PPP4R3B: variants seen among roughly 807,000 people sequenced by gnomAD.
PPP4R3B encodes protein phosphatase 4 regulatory subunit 3B.
Under a neutral mutation model 95.4 loss-of-function variants are expected in PPP4R3B, and 52 were observed. The ratio of observed to expected loss-of-function variants is 0.54; its 90% confidence interval spans 0.44 to 0.69. The LOEUF (loss-of-function observed/expected upper bound fraction) is 0.69. PPP4R3B is among the 30% of genes least tolerant of loss of function. The pLI, the probability that PPP4R3B is intolerant of heterozygous loss-of-function variation, is 0.00. For missense variants in PPP4R3B, 1,003 were observed against 1,005.9 expected (o/e 1.00, Z 0.04); for synonymous variants, 407 against 343.9 (o/e 1.18, Z -2.03).
intron 2 of PPP4R3B, among the ~76,000 whole-genome samples, chr2:55,606,029 TA>T (rs901741709): frequency 2.0e-5 from 3 of 149,000 alleles, no homozygotes; most frequent in Non-Finnish European, 3.0e-5. Context: ...CCTCCATATA[TA>T]AAAAAAAGAA....
chr2:55,570,048 G>C (rs758696267), intron 12 of PPP4R3B, among the ~76,000 whole-genome samples: 1 of 151,926 alleles, frequency 6.6e-6, no homozygotes, highest in Admixed American at 6.6e-5. Context: ...TCAGGAGATC[G>C]AGACAAGCCT....
At chr2:55,589,855 G>C (rs1690719723) in intron 4 of PPP4R3B, among the ~76,000 whole-genome samples, 1 of 147,910 alleles carries the variant, frequency 6.8e-6, no homozygotes, top group South Asian at 2.1e-4. Flanking sequence ...GGGGGAGCTT[G>C]CAGTGAGCCG....
chr2:55,555,291 A>AAG (rs1004101113), intron 16 of PPP4R3B, among the ~76,000 whole-genome samples: 4 of 150,976 alleles, frequency 2.6e-5, no homozygotes, highest in African/African-American at 9.7e-5. Flanking sequence ...AAAAAAAAAA[A>AAG]AAAAAAGAAA....
chr2:55,615,593 G>T (rs1694779714), intron 1 of PPP4R3B, 87 bp from the exon 2 acceptor site: 5 of 886,704 alleles, frequency 5.6e-6, no homozygotes, highest in Non-Finnish European at 8.7e-6. Context: ...CGGGCGCAGT[G>T]GCTCACGTCT....
chr2:55,574,932 CTTCTTT>C (rs1688457754), intron 11 of PPP4R3B, among the ~76,000 whole-genome samples: 1 of 130,684 alleles, frequency 7.7e-6, no homozygotes, highest in Admixed American at 9.0e-5. Context: ...TCATATACAA[CTTCTTT>C]TTTTTTTTTT....
At chr2:55,587,121 C>T (rs773805750) in intron 5 of PPP4R3B, among the ~76,000 whole-genome samples, 2 of 152,122 alleles carry the variant, frequency 1.3e-5, no homozygotes, top group Admixed American at 1.3e-4. Flanking sequence ...TATAGGTCAA[C>T]AGAGATATTT....
intron 12 of PPP4R3B, among the ~76,000 whole-genome samples, chr2:55,572,849 G>C (rs1428890180): frequency 1.3e-5 from 2 of 152,068 alleles, no homozygotes; most frequent in Non-Finnish European, 2.9e-5. Flanking sequence ...CTGTGGAAGA[G>C]CCATACTATA....
chr2:55,558,119 T>G (rs1415899163), intron 16 of PPP4R3B, among the ~76,000 whole-genome samples: 2 of 152,138 alleles, frequency 1.3e-5, no homozygotes, highest in African/African-American at 4.8e-5. Context: ...AAAGCTGCAA[T>G]TGGCCACGCA....
chr2:55,588,892 T>G lies in PPP4R3B; in HGVS notation c.986A>C (p.Lys329Thr). The G allele has an allele frequency of 6.2e-7, 1 of 1,608,178 alleles. No individual in the cohort carries two copies. The highest frequency in any genetic ancestry group is 8.5e-7 in the Non-Finnish European group (1 of 1,176,418). ...TTCATAACTTACCAATTCACGCCGT[T>G]TATCATCATCTGTAGCCTCATCTGT... ...QLTDEATDDD[K>T]RRELVNFFKE... The change falls in exon 5 of 17, where the codon AAA (lysine) becomes ACA (threonine). Residue 329 changes from lysine to threonine, a missense_variant. Lys to Thr is a moderately conservative substitution (Grantham distance 78, BLOSUM62 -1). Transcript: ENST00000616407.
Position 55,588,202 on chromosome 2 carries a change from TTA to T in PPP4R3B, c.999+675_999+676del, listed in dbSNP as rs1162710251. 5.3e-5 allele frequency among the ~76,000 whole-genome samples: 8 copies of T among 152,260 alleles called. 1 individual carries two copies. Among genetic ancestry groups the T allele is most frequent in the Non-Finnish European group, 8.8e-5 (6 of 68,010 alleles). On this transcript the variant is annotated intron_variant, in intron 5 of 16. Transcript: ENST00000616407. ...ATCATTTATTCAGGAAGCATTTTCC[TTA>T]TCTCTTGTTTAAAAAGAAAAGCATT...
chr2:55,561,680 G>T (rs1330416819), intron 15 of PPP4R3B, among the ~76,000 whole-genome samples: 1 of 152,252 alleles, frequency 6.6e-6, no homozygotes, highest in Non-Finnish European at 1.5e-5. Context: ...AAGATTTAAA[G>T]ACTGCCCTGC....
intron 3 of PPP4R3B, among the ~76,000 whole-genome samples, chr2:55,602,234 T>C (rs1692718766): frequency 6.6e-6 from 1 of 152,250 alleles, no homozygotes; most frequent in African/African-American, 2.4e-5. Flanking sequence ...GGTATATTCA[T>C]ACTGATATTA....
chr2:55,597,495 G>A (rs963720924), intron 4 of PPP4R3B, among the ~76,000 whole-genome samples: 33 of 152,144 alleles, frequency 2.2e-4, no homozygotes, highest in African/African-American at 6.3e-4. Context: ...GATGGCGGGC[G>A]CCTGTAGTCC....
At chr2:55,580,264 T>C (rs1689274559) in intron 8 of PPP4R3B, among the ~76,000 whole-genome samples, 1 of 152,082 alleles carries the variant, frequency 6.6e-6, no homozygotes, top group Non-Finnish European at 1.5e-5. Context: ...TCAACACAAA[T>C]AAATACTTGA....
intron 2 of PPP4R3B, among the ~76,000 whole-genome samples, chr2:55,612,547 C>T (rs1251278160): frequency 6.6e-6 from 1 of 152,126 alleles, no homozygotes; most frequent in Admixed American, 6.6e-5. Flanking sequence ...GTGAGACCGT[C>T]TCTACAAACA....
chr2:55,590,242 G>A (rs562554290), intron 4 of PPP4R3B, among the ~76,000 whole-genome samples: 13 of 151,604 alleles, frequency 8.6e-5, no homozygotes, highest in African/African-American at 1.7e-4. Context: ...CAGGAGAATC[G>A]CTTGAACCTG....
In PPP4R3B at chr2:55,598,570, T is replaced by A; in HGVS notation, c.767A>T (p.Asp256Val). The change falls in exon 4 of 17, where the codon GAC becomes GTC. Residue 256 changes from aspartate to valine, a missense_variant. Transcript: ENST00000616407. Reference sequence around the variant, plus strand: ...ATGTATTTTTTGCCTTAGTTCAGAGTCTGTTATTGGTATAACTTCCTTGAA... The same window carrying A: ...ATGTATTTTTTGCCTTAGTTCAGAGACTGTTATTGGTATAACTTCCTTGAA... ...AKFKEVIPIT[D>V]SELRQKIHQT... 6.2e-7 allele frequency: 1 copy of A among 1,614,228 alleles called. No homozygotes were observed. The highest frequency in any genetic ancestry group is 8.5e-7 in the Non-Finnish European group (1 of 1,180,054).
chr2:55,588,395 C>T (rs1364419835), intron 5 of PPP4R3B, among the ~76,000 whole-genome samples: 8 of 152,006 alleles, frequency 5.3e-5, no homozygotes, highest in African/African-American at 1.9e-4. Context: ...TGCCTGTAAT[C>T]CCAGCTACTT....
chr2:55,593,156 T>A (rs1204238903), intron 4 of PPP4R3B, among the ~76,000 whole-genome samples: 1 of 152,166 alleles, frequency 6.6e-6, no homozygotes, highest in African/African-American at 2.4e-5. Flanking sequence ...AGACTCTGTC[T>A]CAAAATAAAT....
Sources: gnomAD v4.1 joint callset for allele counts (sites outside exome capture counted in the v4.1 genomes callset) on GRCh38, gnomAD v4.1.1 for gene constraint, MANE v1.5 for transcripts, NCBI Gene and HGNC (gene_info 2026-07-23, HGNC 2026-07-21) for gene names.